SLIT3: variants seen among roughly 807,000 people sequenced by gnomAD.
SLIT3 encodes the protein slit guidance ligand 3.
In SLIT3, 68 loss-of-function variants were observed where a neutral mutation model predicts 184.0. The ratio of observed to expected loss-of-function variants is 0.37; its 90% confidence interval spans 0.30 to 0.45. The LOEUF (loss-of-function observed/expected upper bound fraction) is 0.45. Among genes scored for constraint, SLIT3 ranks in the 20% least tolerant of loss-of-function variants. The probability of loss-of-function intolerance (pLI) is 1.00; values close to 1 mark genes in which losing one functional copy is unlikely to be tolerated. For missense variants in SLIT3, 1,707 were observed against 2,026.0 expected (o/e 0.84, Z 3.02); for synonymous variants, 831 against 828.6 (o/e 1.00, Z -0.05).
At chr5:168,914,826 A>T (rs1012867401) in intron 4 of SLIT3, among the ~76,000 whole-genome samples, 3 of 152,334 alleles carry the variant, frequency 2.0e-5, no homozygotes, top group Admixed American at 2.0e-4. Flanking sequence ...GGTCGTTCAT[A>T]AAAGAACACA....
At chr5:169,144,805 G>C (rs1415345021) in intron 4 of SLIT3, among the ~76,000 whole-genome samples, 2 of 152,194 alleles carry the variant, frequency 1.3e-5, no homozygotes, top group African/African-American at 4.8e-5. Context: ...GGCAGAAAAA[G>C]ACGGGCTTTG....
chr5:169,244,585 A>C (rs1470736054), intron 3 of SLIT3, 120 bp downstream of exon 3: 1 of 769,956 alleles, frequency 1.3e-6, no homozygotes, highest in African/African-American at 1.7e-5. Context: ...CATTCTATTT[A>C]AACACTGGAG....
chr5:169,221,937 G>A (rs536652302), intron 3 of SLIT3, among the ~76,000 whole-genome samples: 9 of 152,224 alleles, frequency 5.9e-5, no homozygotes, highest in South Asian at 2.1e-4. Flanking sequence ...TAATGACACC[G>A]GGAAATACAT....
At position 168,817,334 on chromosome 5, in the gene SLIT3, C is replaced by A; in HGVS notation, c.759G>T (p.Val253=). ...MAPVHLRGFN[V]ADVQKKEYVC... Reference sequence around the variant, plus strand: ...CGTACTCCTTCTTCTGCACATCCGCCACGTTGAAGCCCCTCAAATGCACAG... The same window carrying A: ...CGTACTCCTTCTTCTGCACATCCGCAACGTTGAAGCCCCTCAAATGCACAG... The change falls in exon 8 of 36, where the codon GTG becomes GTT. Residue 253 remains valine (V), a synonymous_variant. Transcript: ENST00000519560. The A allele has an allele frequency of 6.2e-7, 1 of 1,614,178 alleles. No homozygotes were observed. Among genetic ancestry groups the A allele is most frequent in the Non-Finnish European group, 8.5e-7 (1 of 1,180,036 alleles).
intron 4 of SLIT3, among the ~76,000 whole-genome samples, chr5:169,104,602 C>T (rs373789768): frequency 3.3e-5 from 5 of 152,290 alleles, no homozygotes; most frequent in South Asian, 2.1e-4. Flanking sequence ...TGAGCACAGG[C>T]GTTCATTCCA....
intron 4 of SLIT3, among the ~76,000 whole-genome samples, chr5:169,124,485 T>A (rs549473893): frequency 6.6e-6 from 1 of 152,228 alleles, no homozygotes; most frequent in Admixed American, 6.5e-5. Flanking sequence ...AACAAGCTGA[T>A]CAAAGAAGGG....
chr5:168,964,580 TATAA>T (rs1479271657), intron 4 of SLIT3, among the ~76,000 whole-genome samples: 1 of 152,232 alleles, frequency 6.6e-6, no homozygotes, highest in Non-Finnish European at 1.5e-5. Context: ...ACTTACTGCG[TATAA>T]ATAAAGCACA....
intron 4 of SLIT3, among the ~76,000 whole-genome samples, chr5:169,051,195 G>A (rs539764199): frequency 1.1e-4 from 17 of 152,042 alleles, no homozygotes; most frequent in African/African-American, 4.1e-4. Flanking sequence ...GATCAATTTA[G>A]ATTCACGAAA....
At chr5:169,048,392 T>C (rs1191044119) in intron 4 of SLIT3, among the ~76,000 whole-genome samples, 1 of 152,238 alleles carries the variant, frequency 6.6e-6, no homozygotes, top group East Asian at 1.9e-4. Context: ...TTGTTTCTTA[T>C]TACCATTTTT....
intron 4 of SLIT3, among the ~76,000 whole-genome samples, chr5:168,906,380 T>G (rs527715008): frequency 6.6e-6 from 1 of 152,306 alleles, no homozygotes; most frequent in South Asian, 2.1e-4. Flanking sequence ...AAAAGCACAT[T>G]TAGCATTTGG....
intron 6 of SLIT3, among the ~76,000 whole-genome samples, chr5:168,832,850 G>C (rs1438966457): frequency 6.6e-6 from 1 of 152,174 alleles, no homozygotes; most frequent in Non-Finnish European, 1.5e-5. Context: ...TGAAACACCT[G>C]GGGGCTGGAT....
At chr5:169,070,340 TA>T (rs1303317292) in intron 4 of SLIT3, among the ~76,000 whole-genome samples, 1 of 152,186 alleles carries the variant, frequency 6.6e-6, no homozygotes, top group Non-Finnish European at 1.5e-5. Context: ...AGTTCCAGTG[TA>T]AATGTCTAAC....
chr5:169,233,106 A>G (rs1765064156), intron 3 of SLIT3, among the ~76,000 whole-genome samples: 1 of 152,128 alleles, frequency 6.6e-6, no homozygotes, highest in Admixed American at 6.5e-5. Flanking sequence ...GCTCACTGCA[A>G]CTTCCGCCTC....
intron 3 of SLIT3, among the ~76,000 whole-genome samples, chr5:169,211,855 C>T (rs1407029533): frequency 1.3e-5 from 2 of 152,092 alleles, no homozygotes; most frequent in Admixed American, 6.5e-5. Flanking sequence ...TCTCATTGTT[C>T]AACTCCCATT....
In SLIT3 at chr5:168,671,647, C is replaced by T. The variant is rs993710317; in HGVS notation, c.3842-164G>A. Reference sequence around the variant, plus strand: ...ACCTCGGACCTCCTCCATACAGGGACGTGCATCCTTGGTCCTGCACTGGGA... The same window carrying T: ...ACCTCGGACCTCCTCCATACAGGGATGTGCATCCTTGGTCCTGCACTGGGA... On this transcript the variant is annotated intron_variant, in intron 33 of 35. Transcript: ENST00000519560. Among the ~76,000 whole-genome samples the T allele has an allele frequency of 1.7e-4, 26 of 152,318 alleles. No homozygotes were observed. The Middle Eastern group carries it at 0.01, about 60-fold the overall frequency.
intron 15 of SLIT3, among the ~76,000 whole-genome samples, chr5:168,761,780 C>A (rs1025599127): frequency 1.3e-5 from 2 of 151,878 alleles, no homozygotes; most frequent in Admixed American, 1.3e-4. Flanking sequence ...ACTCTGTGGC[C>A]CAGGCTGGAG....
intron 4 of SLIT3, among the ~76,000 whole-genome samples, chr5:169,140,239 C>T (rs1383150003): frequency 2.1e-5 from 3 of 141,646 alleles, no homozygotes; most frequent in Non-Finnish European, 4.5e-5. Context: ...CCAAAGTGGG[C>T]AGATCACGAG....
intron 1 of SLIT3, among the ~76,000 whole-genome samples, chr5:169,298,661 G>A (rs1486789068): frequency 2.6e-5 from 4 of 152,182 alleles, no homozygotes; most frequent in African/African-American, 9.7e-5. Flanking sequence ...TTTATAGATC[G>A]TGGCCCAAAC....
intron 3 of SLIT3, among the ~76,000 whole-genome samples, chr5:169,238,675 G>A (rs1765286365): frequency 4.0e-5 from 6 of 150,842 alleles, no homozygotes; most frequent in Admixed American, 2.7e-4. Flanking sequence ...TACTTCTCAA[G>A]GAGTTCTCTT....
Sources: gnomAD v4.1 joint callset for allele counts (sites outside exome capture counted in the v4.1 genomes callset) on GRCh38, gnomAD v4.1.1 for gene constraint, MANE v1.5 for transcripts, NCBI Gene and HGNC (gene_info 2026-07-23, HGNC 2026-07-21) for gene names.